Variants in SI observed in about 807,000 individuals in gnomAD.
SI encodes sucrase-isomaltase, intestinal.
In SI, 235 loss-of-function variants were observed where a neutral mutation model predicts 253.3. The ratio of observed to expected loss-of-function variants is 0.93; its 90% CI spans 0.83 to 1.03. SI has a LOEUF of 1.03. Ranked by LOEUF, SI falls within the 50% of genes least tolerant of loss-of-function variation. The probability of loss-of-function intolerance (pLI) is 0.00; values close to 1 mark genes in which losing one functional copy is unlikely to be tolerated. For synonymous variants in SI, 819 were observed against 712.0 expected, an observed-to-expected ratio of 1.15 and a Z score of -2.39; for missense variants, 2,442 against 2,211.1, an observed-to-expected ratio of 1.10 and a Z score of -2.09.
In SI at chr3:165,039,140, A is replaced by T; in HGVS notation, c.2245-6T>A. The T allele has an allele frequency of 6.4e-7, 1 of 1,550,794 alleles. No individual in the cohort carries two copies. Among genetic ancestry groups the T allele is most frequent in the East Asian group, 2.3e-5 (1 of 44,152 alleles). ...GCACTCACAGTATCTGCTCCCTAAAATAAAGATAATATGTATTTTTTAATT... is the reference window on the plus strand; with the variant it reads ...GCACTCACAGTATCTGCTCCCTAAATTAAAGATAATATGTATTTTTTAATT... On this transcript the variant is annotated splice_region_variant and splice_polypyrimidine_tract_variant and intron_variant, in intron 19 of 47. Transcript: ENST00000264382.
intron 37 of SI, among the ~76,000 whole-genome samples, chr3:165,000,541 T>C (rs1178950230): frequency 6.6e-6 from 1 of 151,330 alleles, no homozygotes; most frequent in Non-Finnish European, 1.5e-5. Flanking sequence ...AACATCACAA[T>C]GTACTCCATA....
intron 34 of SI, among the ~76,000 whole-genome samples, chr3:165,010,593 ATAAT>A (rs1176981140): frequency 6.6e-6 from 1 of 152,220 alleles, no homozygotes; most frequent in African/African-American, 2.4e-5. Context: ...CTCCCGTATG[ATAAT>A]TAATAACAAA....
intron 37 of SI, among the ~76,000 whole-genome samples, chr3:165,006,389 C>T (rs1435576600): frequency 3.3e-5 from 5 of 152,078 alleles, no homozygotes; most frequent in Non-Finnish European, 5.9e-5. Flanking sequence ...GGATTACAGG[C>T]GTGAGCCACT....
intron 1 of SI, among the ~76,000 whole-genome samples, chr3:165,076,362 G>A (rs970350574): frequency 5.9e-5 from 9 of 151,630 alleles, no homozygotes; most frequent in African/African-American, 2.2e-4. Context: ...AGAGCATTTT[G>A]CAAGGCAAAG....
intron 26 of SI, among the ~76,000 whole-genome samples, chr3:165,021,657 G>A (rs1711626000): frequency 6.6e-6 from 1 of 151,492 alleles, no homozygotes; most frequent in Non-Finnish European, 1.5e-5. Context: ...AAAAATTTTA[G>A]AGCTAAATAT....
At chr3:164,989,680 A>C (rs2108122708) in intron 44 of SI, among the ~76,000 whole-genome samples, 1 of 152,278 alleles carries the variant, frequency 6.6e-6, no homozygotes, top group South Asian at 2.1e-4. Flanking sequence ...AATGGAAAGG[A>C]AAGAGACACC....
In SI at chr3:165,020,521, G is replaced by C. The variant is rs190193250; in HGVS notation, c.3254+708C>G. 4.3e-3 allele frequency among the ~76,000 whole-genome samples: 659 copies of C among 151,670 alleles called. 5 individuals carry two copies. Among genetic ancestry groups the C allele is most frequent in the African/African-American group, 0.015 (630 of 41,478 alleles). ...TTGCACCAGGATATTTTTATAAAATGACTTAGCTTCCCATGCTTTTGAACA... is the reference window on the plus strand; with the variant it reads ...TTGCACCAGGATATTTTTATAAAATCACTTAGCTTCCCATGCTTTTGAACA... On this transcript the variant is annotated intron_variant, in intron 27 of 47. Transcript: ENST00000264382.
chr3:164,979,942 T>G (rs1213770288), intron 47 of SI, among the ~76,000 whole-genome samples: 2 of 151,898 alleles, frequency 1.3e-5, no homozygotes, highest in African/African-American at 2.4e-5. Context: ...AAGTAGACTC[T>G]AGAGAGATTA....
At position 165,058,947 on chromosome 3, in the gene SI, A is replaced by G. The variant is rs1169537641; in HGVS notation, c.1398+16T>C. Reference sequence around the variant, plus strand: ...AAAATTTGAGCAACATAGTTTTAATAAATATCATATTTTACCTCTCCAATA... The same window carrying G: ...AAAATTTGAGCAACATAGTTTTAATGAATATCATATTTTACCTCTCCAATA... On this transcript the variant is annotated intron_variant, in intron 12 of 47. Transcript: ENST00000264382. 6 of 1,606,982 alleles carry G rather than the reference A, an allele frequency of 3.7e-6. No homozygotes were observed. The highest frequency in any genetic ancestry group is 5.1e-6 in the Non-Finnish European group (6 of 1,174,616).
At chr3:164,998,473 G>T in intron 38 of SI, 67 bp downstream of exon 38, 2 of 1,513,550 alleles carry the variant, frequency 1.3e-6, no homozygotes, top group Non-Finnish European at 1.8e-6. Flanking sequence ...TTATGACCTA[G>T]CACCAGCAAA....
chr3:165,032,590 C>T lies in SI; in HGVS notation c.2668G>A (p.Val890Ile), dbSNP rs375206629. 2.5e-6 allele frequency: 4 copies of T among 1,609,474 alleles called. No individual in the cohort carries two copies. The African/African-American group carries it at 5.4e-5, about 22-fold the overall frequency. ...GGTTGATTATTTTCCGCCACTCTAA[C>T]TTCTGTAACACTGTCTGTCAACCCA... Reference protein sequence around the residue: ...ILGLTDSVTEVRVAENNQPMN... With the variant: ...ILGLTDSVTEIRVAENNQPMN... The change falls in exon 24 of 48, where the codon GTT becomes ATT. Residue 890 changes from valine (V) to isoleucine (I), a missense_variant. Coordinates refer to ENST00000264382, the MANE Select transcript of SI (RefSeq NM_001041.4).
intron 37 of SI, among the ~76,000 whole-genome samples, chr3:165,003,833 C>T (rs1718369581): frequency 6.6e-6 from 1 of 151,384 alleles, no homozygotes; most frequent in Non-Finnish European, 1.5e-5. Context: ...ATATAAAAAG[C>T]AAGAAATCAA....
Position 165,008,001 on chromosome 3 carries a change from TA to T in SI, c.4180-4del. 1.4e-5 allele frequency: 20 copies of T among 1,471,320 alleles called. No homozygotes were observed. Among genetic ancestry groups the T allele is most frequent in the Non-Finnish European group, 1.8e-5 (19 of 1,052,432 alleles). 91.1% of individuals were successfully genotyped at this position (1,471,320 alleles called of 1,614,324 possible). ...AAACTTGATGGCTCATTCATATCCT[TA>T]AAAAAAGATGAAAGAAAAAGGTAAA... On this transcript the variant is annotated splice_polypyrimidine_tract_variant and splice_region_variant and intron_variant, in intron 35 of 47. Transcript: ENST00000264382.
intron 45 of SI, among the ~76,000 whole-genome samples, chr3:164,984,124 C>A (rs1396307459): frequency 6.6e-6 from 1 of 151,908 alleles, no homozygotes. Flanking sequence ...TGGAATCAAA[C>A]CCAGTCTTCC....
intron 13 of SI, among the ~76,000 whole-genome samples, chr3:165,054,130 ATGAT>A (rs1713570794): frequency 1.3e-5 from 2 of 152,262 alleles, no homozygotes; most frequent in African/African-American, 2.4e-5. Context: ...TGCTAACTAA[ATGAT>A]TGATTGATTT....
rs1459952591 is a variant in SI, at chr3:165,046,954, C to T, written c.1774G>A (p.Ala592Thr). Residue 592 changes from alanine to threonine, a missense_variant, in exon 16 of 48, where the codon GCT (alanine) becomes ACT (threonine). Coordinates refer to ENST00000264382, the MANE Select transcript of SI (RefSeq NM_001041.4). ...RSFILTRSTF[A>T]GSGRHAAHWL... ...TGCGCAGCATGTCTTCCAGATCCAG[C>T]AAATGTTGAGCGGGTAAGAATGAAG... 6.2e-7 allele frequency: 1 copy of T among 1,612,152 alleles called. No individual in the cohort carries two copies. Among genetic ancestry groups the T allele is most frequent in the African/African-American group, 1.3e-5 (1 of 74,820 alleles).
At chr3:165,071,537 T>C (rs1050996021) in intron 3 of SI, among the ~76,000 whole-genome samples, 4 of 151,784 alleles carry the variant, frequency 2.6e-5, no homozygotes, top group Non-Finnish European at 5.9e-5. Flanking sequence ...ATATAATGTG[T>C]ATTCAATATG....
rs748113906 is a variant in SI, at chr3:164,998,615, T to C, written c.4465A>G (p.Thr1489Ala). ...CAGTGTCCTCCCCATCGTCCACTAG[T>C]AGGATACGTGGAACGAGAAATTACA... is the stretch of plus-strand genomic sequence containing the variant. ...GIVISRSTYP[T>A]SGRWGGHWLG... Residue 1489 changes from threonine to alanine, a missense_variant, in exon 38 of 48, where the codon ACT (threonine) becomes GCT (alanine). Physicochemically the swap from Thr to Ala is moderately conservative, Grantham distance 58 (BLOSUM62 0). Coordinates refer to ENST00000264382, the MANE Select transcript of SI (RefSeq NM_001041.4). 1.2e-6 allele frequency: 2 copies of C among 1,611,640 alleles called. No individual in the cohort carries two copies. The highest frequency in any genetic ancestry group is 2.2e-5 in the East Asian group (1 of 44,800).
intron 17 of SI, among the ~76,000 whole-genome samples, chr3:165,041,711 C>T (rs1712845017): frequency 6.6e-6 from 1 of 152,074 alleles, no homozygotes; most frequent in South Asian, 2.1e-4. Flanking sequence ...ATAAGTGACT[C>T]CTTCAGCCAA....
Sources: gnomAD v4.1 joint callset for allele counts (sites outside exome capture counted in the v4.1 genomes callset) on GRCh38, gnomAD v4.1.1 for gene constraint, MANE v1.5 for transcripts, NCBI Gene and HGNC (gene_info 2026-07-23, HGNC 2026-07-21) for gene names.